The following NCAM2 variants were observed in gnomAD, a reference collection of about 807,000 sequenced individuals.
NCAM2 encodes N-CAM-2.
NCAM2 carries 30 observed loss-of-function variants against 98.1 expected under a neutral mutation model. The observed-to-expected ratio is 0.31, with a 90% CI of 0.23 to 0.41. The LOEUF is 0.41. NCAM2 is among the 10% of genes least tolerant of loss of function. NCAM2 has a pLI of 1.00. For synonymous variants in NCAM2, 368 were observed against 342.4 expected (o/e 1.07, Z -0.83); for missense variants, 867 against 1,005.8 (o/e 0.86, Z 1.87).
chr21:21,344,552 G>A (rs993086679), intron 8 of NCAM2, among the ~76,000 whole-genome samples: 1 of 152,124 alleles, frequency 6.6e-6, no homozygotes. Context: ...CTTTGGAAAT[G>A]GGAGGGAAGA....
At chr21:21,510,527 T>C (rs1180012075) in intron 16 of NCAM2, among the ~76,000 whole-genome samples, 1 of 152,118 alleles carries the variant, frequency 6.6e-6, no homozygotes, top group East Asian at 1.9e-4. Flanking sequence ...TGCTTTTTTA[T>C]TGTTGAATCA....
In NCAM2 at chr21:21,540,301, AT is replaced by A. The variant is rs1287778227; in HGVS notation, c.*2345del. On this transcript the variant is annotated 3_prime_UTR_variant, in exon 18 of 18. Transcript: ENST00000400546. Reference sequence around the variant, plus strand: ...TATATACACATATATATACATATATATATATGATGTTAAATTTCCTGCCACT... The same window carrying A: ...TATATACACATATATATACATATATAATATGATGTTAAATTTCCTGCCACT... 1 of 150,312 alleles carries A rather than the reference AT, an allele frequency of 6.7e-6. No individual in the cohort carries two copies. The highest frequency in any genetic ancestry group is 1.5e-5 in the Non-Finnish European group (1 of 67,664). 9.3% of individuals were successfully genotyped at this position (150,312 alleles called of 1,614,324 possible).
At chr21:21,041,196 T>C (rs908962245) in intron 1 of NCAM2, among the ~76,000 whole-genome samples, 2 of 152,120 alleles carry the variant, frequency 1.3e-5, no homozygotes, top group Non-Finnish European at 2.9e-5. Flanking sequence ...ATAAGAAACA[T>C]AGAACCTATG....
intron 10 of NCAM2, among the ~76,000 whole-genome samples, chr21:21,417,832 T>C (rs1039282776): frequency 2.6e-5 from 4 of 152,076 alleles, no homozygotes; most frequent in Non-Finnish European, 5.9e-5. Context: ...AGTGCCTGTC[T>C]ATGAGTATTG....
Position 21,355,342 on chromosome 21 carries a change from A to G in NCAM2, c.1044+16808A>G, listed in dbSNP as rs547069514. On this transcript the variant is annotated intron_variant, in intron 8 of 17. Coordinates refer to ENST00000400546, the MANE Select transcript of NCAM2 (RefSeq NM_004540.5). ...TCCAGCTACTCGGGACGGGGCCGGG[A>G]AAAGGGGGTTGCAGGGGGCTGAGGC... Among the ~76,000 whole-genome samples the G allele has an allele frequency of 3.3e-5, 5 of 151,060 alleles. No individual in the cohort carries two copies. In the East Asian group the frequency reaches 8.1e-4, roughly 24 times the overall value.
intron 1 of NCAM2, among the ~76,000 whole-genome samples, chr21:21,059,225 G>A (rs922886819): frequency 6.6e-6 from 1 of 151,956 alleles, no homozygotes; most frequent in African/African-American, 2.4e-5. Flanking sequence ...GGCAGGGAGA[G>A]GACTAGATCC....
In NCAM2 at chr21:21,280,586, C is replaced by A. The variant is rs200376885; in HGVS notation, c.64C>A (p.Gln22Lys). 2.8e-4 allele frequency: 449 copies of A among 1,593,272 alleles called. 1 individual carries two copies. Among genetic ancestry groups the A allele is most frequent in the Non-Finnish European group, 3.5e-4 (413 of 1,171,272 alleles). Reference sequence around the variant, plus strand: ...TCCCAATTTTTTTTCAGCTCTTCTTCAAGTGACAATTTCACTTAGCAAAGT... The same window carrying A: ...TCCCAATTTTTTTTCAGCTCTTCTTAAAGTGACAATTTCACTTAGCAAAGT... ...LLVSSGQALL[Q>K]VTISLSKVEL... The change falls in exon 2 of 18, where the codon CAA becomes AAA. Residue 22 changes from glutamine to lysine, a missense_variant. Around this residue, in one of 5 missense-constraint regions of NCAM2, gnomAD observed 447 missense variants for 495.7 expected, o/e 0.90. Transcript: ENST00000400546.
chr21:21,366,488 T>C (rs1282813813), intron 8 of NCAM2, among the ~76,000 whole-genome samples: 1 of 152,086 alleles, frequency 6.6e-6, no homozygotes, highest in Non-Finnish European at 1.5e-5. Flanking sequence ...AATGAGTGCA[T>C]TAGTCCACTT....
chr21:21,238,103 G>A (rs577225505), intron 1 of NCAM2, among the ~76,000 whole-genome samples: 4 of 151,764 alleles, frequency 2.6e-5, no homozygotes, highest in Non-Finnish European at 4.4e-5. Context: ...CTACAGGAAC[G>A]TGCCACCACG....
intron 15 of NCAM2, among the ~76,000 whole-genome samples, chr21:21,494,281 C>A (rs1311446403): frequency 6.6e-6 from 1 of 151,588 alleles, no homozygotes; most frequent in African/African-American, 2.4e-5. Flanking sequence ...AGATATGTTT[C>A]AATTTTGTAA....
At chr21:21,474,853 G>C (rs1236742620) in intron 14 of NCAM2, among the ~76,000 whole-genome samples, 3 of 151,684 alleles carry the variant, frequency 2.0e-5, no homozygotes, top group Non-Finnish European at 2.9e-5. Flanking sequence ...TACTGAATAT[G>C]CTATACATAG....
chr21:21,348,018 G>A (rs538434710), intron 8 of NCAM2, among the ~76,000 whole-genome samples: 1 of 152,150 alleles, frequency 6.6e-6, no homozygotes, highest in Admixed American at 6.5e-5. Context: ...ACTGAATGTG[G>A]AAAAATTGAA....
intron 11 of NCAM2, among the ~76,000 whole-genome samples, chr21:21,421,014 T>A (rs1452932973): frequency 6.6e-6 from 1 of 151,594 alleles, no homozygotes; most frequent in Non-Finnish European, 1.5e-5. Context: ...TATAAATAAT[T>A]AGATATAGGA....
intron 12 of NCAM2, among the ~76,000 whole-genome samples, chr21:21,434,125 G>T (rs2077415488): frequency 6.6e-6 from 1 of 152,206 alleles, no homozygotes; most frequent in Non-Finnish European, 1.5e-5. Flanking sequence ...GTCAGAGGCA[G>T]ATCACTATGT....
At chr21:21,201,149 A>T (rs55738100) in intron 1 of NCAM2, among the ~76,000 whole-genome samples, 148 of 152,280 alleles carry the variant, frequency 9.7e-4, no homozygotes, top group African/African-American at 3.3e-3. Flanking sequence ...TCCCATTTTC[A>T]TCCCATTTCT....
chr21:21,480,827 A>C (rs1470212686), intron 15 of NCAM2, among the ~76,000 whole-genome samples: 2 of 152,248 alleles, frequency 1.3e-5, no homozygotes. Flanking sequence ...GATTGGATTC[A>C]GTCAGTAATG....
At chr21:21,005,810 C>CA (rs371717219) in intron 1 of NCAM2, among the ~76,000 whole-genome samples, 162 of 144,304 alleles carry the variant, frequency 1.1e-3, no homozygotes, top group South Asian at 2.6e-3. Flanking sequence ...ACGCCCCCCC[C>CA]AAAAAAAAAA....
At chr21:21,301,485 C>G (rs1040113202) in intron 5 of NCAM2, among the ~76,000 whole-genome samples, 3 of 144,420 alleles carry the variant, frequency 2.1e-5, no homozygotes, top group African/African-American at 7.7e-5. Flanking sequence ...GCTGCACCCA[C>G]TAACTCGTCA....
chr21:21,252,087 G>A (rs1163719102), intron 1 of NCAM2, among the ~76,000 whole-genome samples: 10 of 151,790 alleles, frequency 6.6e-5, no homozygotes, highest in Non-Finnish European at 1.5e-5. Context: ...TGGCCAACAA[G>A]CATGGAAAAA....
Sources: allele counts gnomAD v4.1 joint callset (sites outside exome capture counted in the v4.1 genomes callset), GRCh38; gene constraint gnomAD v4.1.1; regional missense constraint gnomAD v4.1.1; transcripts MANE v1.5; gene names NCBI Gene and HGNC (gene_info 2026-07-23, HGNC 2026-07-21).